LDHC: variants seen among roughly 807,000 people sequenced by gnomAD.
LDHC encodes lactate dehydrogenase C, also known as L-lactate dehydrogenase C chain.
Under a neutral mutation model 30.2 loss-of-function variants are expected in LDHC, and 20 were observed. The ratio of observed to expected loss-of-function variants is 0.66; its 90% confidence interval spans 0.47 to 0.96. The LOEUF is 0.96. Among genes scored for constraint, LDHC ranks in the 40% least tolerant of loss-of-function variants. The pLI, the probability that LDHC is intolerant of heterozygous loss-of-function variation, is 0.00. For missense variants in LDHC, 362 were observed against 394.9 expected, an observed-to-expected ratio of 0.92 and a Z score of 0.71; for synonymous variants, 139 against 132.7, an observed-to-expected ratio of 1.05 and a Z score of -0.32.
chr11:18,433,507 C>T (rs1848305071), intron 4 of LDHC, among the ~76,000 whole-genome samples: 1 of 152,088 alleles, frequency 6.6e-6, no homozygotes, highest in South Asian at 2.1e-4. Flanking sequence ...GGCAAATTCT[C>T]TCAGCATTTG....
chr11:18,429,116 CTTTTTTTTTTTT>C (rs36038254), intron 3 of LDHC, among the ~76,000 whole-genome samples: 1 of 93,916 alleles, frequency 1.1e-5, no homozygotes, highest in Non-Finnish European at 1.9e-5. Context: ...TCATTTTGGT[CTTTTTTTTTTTT>C]TTTTTTTTTT....
chr11:18,425,019 T>C (rs1038895960), intron 3 of LDHC, among the ~76,000 whole-genome samples: 3 of 151,896 alleles, frequency 2.0e-5, no homozygotes, highest in African/African-American at 4.8e-5. Flanking sequence ...ACAAAACAAA[T>C]AAAAAAACAA....
intron 5 of LDHC, among the ~76,000 whole-genome samples, chr11:18,437,473 C>T (rs1464028260): frequency 2.0e-5 from 3 of 151,430 alleles, no homozygotes; most frequent in African/African-American, 7.3e-5. Context: ...CTGGCCAGGG[C>T]CGGGCACGGT....
chr11:18,448,386 C>T (rs1186855375), intron 7 of LDHC, among the ~76,000 whole-genome samples: 7 of 152,094 alleles, frequency 4.6e-5, no homozygotes, highest in Admixed American at 3.3e-4. Context: ...TGGGTTCAAG[C>T]GATTCTTGTG....
Position 18,446,195 on chromosome 11 carries a change from T to C in LDHC, c.711-15T>C, listed in dbSNP as rs776412035. The stretch of plus-strand genomic sequence containing the variant: ...CTTATTATGAATTTGATTTTCTTAC[T>C]TTCTACAACTGTAGTGCCTATGAAA... On this transcript the variant is annotated splice_polypyrimidine_tract_variant and intron_variant, in intron 6 of 7. Transcript: ENST00000541669. 6.3e-7 allele frequency: 1 copy of C among 1,591,858 alleles called. No homozygotes were observed. The highest frequency in any genetic ancestry group is 8.6e-7 in the Non-Finnish European group (1 of 1,162,918).
chr11:18,421,803 A>G (rs1030537730), intron 3 of LDHC, among the ~76,000 whole-genome samples: 3 of 151,226 alleles, frequency 2.0e-5, no homozygotes, highest in Non-Finnish European at 4.4e-5. Flanking sequence ...CTTCTGTGAC[A>G]GCTAACAAAA....
rs756510241 is a variant in LDHC at position 18,446,257 on chromosome 11, G to A, written c.758G>A (p.Gly253Glu). Residue 253 changes from glycine to glutamate, a missense_variant, in exon 7 of 8, where the codon GGA (glycine) becomes GAA (glutamate). Physicochemically the swap from Gly to Glu is moderately conservative, Grantham distance 98. Coordinates refer to ENST00000541669, the MANE Select transcript of LDHC (RefSeq NM_017448.5). ...KLKGYTSWAI[G>E]LSVMDLVGSI... ...AAGGGGTATACCTCTTGGGCTATTG[G>A]ACTGTCTGTGATGGATTTGGTAGGA... is the stretch of plus-strand genomic sequence containing the variant. 1.3e-5 allele frequency: 21 copies of A among 1,598,646 alleles called. No homozygotes were observed. The highest frequency in any genetic ancestry group is 1.7e-4 in the Middle Eastern group (1 of 6,056).
intron 4 of LDHC, among the ~76,000 whole-genome samples, chr11:18,430,995 C>T (rs1362237493): frequency 6.6e-6 from 1 of 151,754 alleles, no homozygotes; most frequent in Non-Finnish European, 1.5e-5. Context: ...GAGACCTTGT[C>T]TGTACATAAA....
At chr11:18,431,848 C>T (rs1848272520) in intron 4 of LDHC, among the ~76,000 whole-genome samples, 2 of 152,190 alleles carry the variant, frequency 1.3e-5, no homozygotes, top group African/African-American at 4.8e-5. Context: ...CTGCACCCGG[C>T]CTGCTCTCTT....
At chr11:18,438,783 C>A in intron 6 of LDHC, 138 bp downstream of exon 6, 1 of 496,312 alleles carries the variant, frequency 2.0e-6, no homozygotes. Flanking sequence ...TAAATTCAGA[C>A]TTATACATAG....
intron 7 of LDHC, among the ~76,000 whole-genome samples, chr11:18,448,440 C>T (rs139252309): frequency 3.7e-4 from 57 of 152,120 alleles, no homozygotes; most frequent in African/African-American, 1.2e-3. Flanking sequence ...CGTGCCACCA[C>T]GCCTGGCTAT....
intron 3 of LDHC, among the ~76,000 whole-genome samples, chr11:18,425,360 A>AT (rs1848143939): frequency 6.6e-6 from 1 of 151,978 alleles, no homozygotes; most frequent in Non-Finnish European, 1.5e-5. Flanking sequence ...CAGAGTTAAT[A>AT]TTTTTAATTT....
At chr11:18,422,558 A>AG (rs2134051557) in intron 3 of LDHC, among the ~76,000 whole-genome samples, 1 of 151,990 alleles carries the variant, frequency 6.6e-6, no homozygotes, top group South Asian at 2.1e-4. Flanking sequence ...CATCTCAAAA[A>AG]AAAAAAAAAA....
In LDHC at chr11:18,446,351, C is replaced by A. The variant is rs12806009; in HGVS notation, c.834+18C>A. ...TGGTTAAGGTAGGCTTAAATTAAATCTTCATTTATCATTCTTTCCTTTAAT... is the reference window on the plus strand; with the variant it reads ...TGGTTAAGGTAGGCTTAAATTAAATATTCATTTATCATTCTTTCCTTTAAT... On this transcript the variant is annotated intron_variant, in intron 7 of 7. Coordinates refer to ENST00000541669, the MANE Select transcript of LDHC (RefSeq NM_017448.5). 123,811 of 1,559,740 alleles carry A rather than the reference C, an allele frequency of 0.079. 6,378 individuals are homozygous for A. The highest frequency in any genetic ancestry group is 0.23 in the African/African-American group (17,214 of 73,312).
rs764403907 is a variant in LDHC, at chr11:18,429,867, C to A, written c.375C>A (p.Val125=). Residue 125 remains valine (V), a synonymous_variant, in exon 4 of 8, where the codon GTC becomes GTA. Transcript: ENST00000541669. ...AIMKSIIPAI[V]HYSPDCKILV... ...TGAAATCAATCATTCCTGCCATAGT[C>A]CATTATAGTCCTGATTGTAAAATTC... 2 of 1,611,422 alleles carry A rather than the reference C, an allele frequency of 1.2e-6. No homozygotes were observed. The highest frequency in any genetic ancestry group is 8.5e-7 in the Non-Finnish European group (1 of 1,178,020).
At chr11:18,442,882 C>A (rs980607515) in intron 6 of LDHC, among the ~76,000 whole-genome samples, 1 of 151,966 alleles carries the variant, frequency 6.6e-6, no homozygotes, top group African/African-American at 2.4e-5. Context: ...AAACTGGTCT[C>A]CAACTCCTGA....
intron 6 of LDHC, 21 bp from the exon 7 acceptor site, chr11:18,446,189 T>G: frequency 6.3e-7 from 1 of 1,586,286 alleles, no homozygotes; most frequent in Non-Finnish European, 8.6e-7. Flanking sequence ...AATTTGATTT[T>G]CTTACTTTCT....
chr11:18,432,705 A>G (rs1848288922), intron 4 of LDHC, among the ~76,000 whole-genome samples: 1 of 152,196 alleles, frequency 6.6e-6, no homozygotes, highest in South Asian at 2.1e-4. Context: ...GCCTTTTACC[A>G]TTATATAATG....
chr11:18,414,684 C>T (rs1052359213), intron 2 of LDHC, among the ~76,000 whole-genome samples: 3 of 151,958 alleles, frequency 2.0e-5, no homozygotes, highest in South Asian at 2.1e-4. Flanking sequence ...AAAAATTAGC[C>T]GGACATGGTG....
Sources: gnomAD v4.1 joint callset for allele counts (sites outside exome capture counted in the v4.1 genomes callset) on GRCh38, gnomAD v4.1.1 for gene constraint, MANE v1.5 for transcripts, NCBI Gene and HGNC (gene_info 2026-07-23, HGNC 2026-07-21) for gene names.